Variants in ASTN2 observed in about 807,000 individuals in gnomAD.
ASTN2 encodes the protein astrotactin 2.
In ASTN2, 54 loss-of-function variants were observed where a neutral mutation model predicts 139.8. The observed-to-expected ratio is 0.39, with a 90% CI of 0.31 to 0.48. ASTN2 has a LOEUF of 0.48. Ranked by LOEUF, ASTN2 falls within the 20% of genes least tolerant of loss-of-function variation. The probability of loss-of-function intolerance (pLI) is 0.95; values close to 1 mark genes in which losing one functional copy is unlikely to be tolerated. For synonymous variants in ASTN2, 756 were observed against 719.5 expected (o/e 1.05, Z -0.81); for missense variants, 1,565 against 1,725.1 (o/e 0.91, Z 1.64).
rs371598538 is a variant in ASTN2 at position 117,302,098 on chromosome 9, AG to A, written c.443-10586del. On this transcript the variant is annotated intron_variant, in intron 1 of 22. Coordinates refer to ENST00000313400, the MANE Select transcript of ASTN2 (RefSeq NM_001365068.1). ...TTTTGAGAAAAGTGGTGGGGGTGGG[AG>A]GGGGGGTGACAGTACCAAATATAAA... 1.2e-3 allele frequency among the ~76,000 whole-genome samples: 39 copies of A among 31,498 alleles called. No homozygotes were observed. In the East Asian group the frequency reaches 0.031, roughly 25 times the overall value. The allele number at this position is 31,498 out of a possible 152,430, so 20.7% of individuals were successfully genotyped here. A position where few individuals can be genotyped will look rare whatever the true frequency, so the allele number is the denominator to read the frequency against.
intron 19 of ASTN2, among the ~76,000 whole-genome samples, chr9:116,545,574 C>T (rs1444756746): frequency 6.6e-6 from 1 of 152,142 alleles, no homozygotes. Flanking sequence ...ACCACAGTTT[C>T]CTTAAGCTTG....
chr9:116,632,252 G>GAAGGAAAGAAAGAAAGAAAGAAA (rs1856833378), intron 17 of ASTN2, among the ~76,000 whole-genome samples: 1 of 70,924 alleles, frequency 1.4e-5, no homozygotes, highest in African/African-American at 7.1e-5. Flanking sequence ...AAAGAAAGAA[G>GAAGGAAAGAAAGAAAGAAAGAAA]GAAAGAAAGA....
intron 16 of ASTN2, among the ~76,000 whole-genome samples, chr9:116,719,768 G>A (rs1828421296): frequency 6.6e-6 from 1 of 151,906 alleles, no homozygotes; most frequent in South Asian, 2.1e-4. Context: ...AACCTGCAGA[G>A]GAGACAGAGA....
chr9:117,328,832 G>A (rs1169404765), intron 1 of ASTN2, among the ~76,000 whole-genome samples: 1 of 152,232 alleles, frequency 6.6e-6, no homozygotes, highest in East Asian at 1.9e-4. Flanking sequence ...GCTGTGAGAA[G>A]TGATGGCAAA....
intron 6 of ASTN2, among the ~76,000 whole-genome samples, chr9:117,039,257 G>T (rs1838483600): frequency 6.6e-6 from 1 of 152,130 alleles, no homozygotes; most frequent in African/African-American, 2.4e-5. Flanking sequence ...CCATAAAAAG[G>T]AATGAGTTCA....
At chr9:116,680,135 A>C (rs1169627379) in intron 16 of ASTN2, among the ~76,000 whole-genome samples, 1 of 152,196 alleles carries the variant, frequency 6.6e-6, no homozygotes, top group Non-Finnish European at 1.5e-5. Flanking sequence ...AGCAAGACTC[A>C]TAAAGAAGAA....
intron 17 of ASTN2, among the ~76,000 whole-genome samples, chr9:116,627,067 A>C (rs2131848100): frequency 6.6e-6 from 1 of 152,344 alleles, no homozygotes; most frequent in South Asian, 2.1e-4. Flanking sequence ...CCTGACAGTG[A>C]GAAGGTGATT....
intron 19 of ASTN2, among the ~76,000 whole-genome samples, chr9:116,542,355 A>T (rs1851910265): frequency 6.6e-6 from 1 of 152,230 alleles, no homozygotes; most frequent in Non-Finnish European, 1.5e-5. Flanking sequence ...ATCTTCTGAG[A>T]TCCATCATTT....
intron 7 of ASTN2, among the ~76,000 whole-genome samples, chr9:117,001,886 A>C (rs1394138712): frequency 6.6e-6 from 1 of 152,174 alleles, no homozygotes; most frequent in African/African-American, 2.4e-5. Context: ...AAAATCCATG[A>C]AGGTAAGAAT....
At chr9:117,407,989 C>T (rs1831045909) in intron 1 of ASTN2, among the ~76,000 whole-genome samples, 1 of 152,130 alleles carries the variant, frequency 6.6e-6, no homozygotes, top group Non-Finnish European at 1.5e-5. Context: ...TTTCCTCCAC[C>T]CACCCCCAAA....
intron 3 of ASTN2, among the ~76,000 whole-genome samples, chr9:117,174,971 T>A (rs73531095): frequency 0.028 from 4,254 of 152,104 alleles, 193 homozygotes; most frequent in African/African-American, 0.089. Flanking sequence ...GGAGGCCCAG[T>A]CTGGAAGAGC....
chr9:116,725,973 G>A, intron 15 of ASTN2, 23 bp from the exon 16 acceptor site: 3 of 1,598,140 alleles, frequency 1.9e-6, no homozygotes, highest in Non-Finnish European at 2.6e-6. Context: ...GGAGCATGTG[G>A]AGGTGGTCAG....
chr9:116,703,865 C>T (rs559677029), intron 16 of ASTN2, among the ~76,000 whole-genome samples: 16 of 152,272 alleles, frequency 1.1e-4, no homozygotes, highest in African/African-American at 3.6e-4. Flanking sequence ...CCCTTCAAGG[C>T]ATCTCAAATT....
chr9:117,003,742 C>G (rs1453193490), intron 7 of ASTN2, among the ~76,000 whole-genome samples: 4 of 151,732 alleles, frequency 2.6e-5, no homozygotes, highest in Non-Finnish European at 5.9e-5. Context: ...CCCACAGGCA[C>G]TCACCACTTG....
intron 13 of ASTN2, among the ~76,000 whole-genome samples, chr9:116,756,593 C>T (rs1829538049): frequency 6.6e-6 from 1 of 152,084 alleles, no homozygotes; most frequent in African/African-American, 2.4e-5. Context: ...GCTCTGGCAC[C>T]TATTCAGTGA....
Position 116,777,034 on chromosome 9 carries a change from G to A in ASTN2, c.2396+28598C>T, listed in dbSNP as rs536128969. Among the ~76,000 whole-genome samples the A allele has an allele frequency of 6.0e-4, 92 of 152,284 alleles. 3 individuals carry two copies. Among genetic ancestry groups the A allele is most frequent in the Admixed American group, 5.7e-3 (87 of 15,302 alleles). On this transcript the variant is annotated intron_variant, in intron 13 of 22. Transcript: ENST00000313400. ...CAAAAAATTGAATAGCATTTCTTGG[G>A]ATGCCTATCTTGCCAAGTTAATTCA...
At chr9:116,693,901 C>T (rs1458291175) in intron 16 of ASTN2, among the ~76,000 whole-genome samples, 1 of 152,152 alleles carries the variant, frequency 6.6e-6, no homozygotes, top group East Asian at 1.9e-4. Flanking sequence ...CGGGCTCTAT[C>T]TGCCTGTCTC....
intron 6 of ASTN2, among the ~76,000 whole-genome samples, chr9:117,016,592 TTATA>T (rs1564385528): frequency 3.4e-5 from 1 of 29,544 alleles, no homozygotes; most frequent in Non-Finnish European, 8.5e-5. Context: ...ATTCTAGGTT[TTATA>T]TATATATCTA....
intron 22 of ASTN2, among the ~76,000 whole-genome samples, chr9:116,426,896 A>G (rs1847325955): frequency 6.6e-6 from 1 of 152,192 alleles, no homozygotes; most frequent in Non-Finnish European, 1.5e-5. Flanking sequence ...CTTCCAATAA[A>G]TGATAGCTAC....
Sources: allele counts gnomAD v4.1 joint callset (sites outside exome capture counted in the v4.1 genomes callset), GRCh38; gene constraint gnomAD v4.1.1; transcripts MANE v1.5; gene names NCBI Gene and HGNC (gene_info 2026-07-23, HGNC 2026-07-21).